Variants in MMP16 observed in about 807,000 individuals in gnomAD.
MMP16 encodes the protein matrix metalloproteinase-16.
In MMP16, 12 loss-of-function variants were observed where a neutral mutation model predicts 67.8. The observed-to-expected ratio is 0.18, with a 90% CI of 0.11 to 0.29. MMP16 has a LOEUF of 0.29. Ranked by LOEUF, MMP16 falls within the 10% of genes least tolerant of loss-of-function variation. MMP16 has a pLI of 1.00. For synonymous variants in MMP16, 249 were observed against 255.9 expected (o/e 0.97, Z 0.26); for missense variants, 475 against 765.7 (o/e 0.62, Z 4.48).
intron 6 of MMP16, among the ~76,000 whole-genome samples, chr8:88,115,763 G>A (rs907578180): frequency 2.6e-5 from 4 of 151,738 alleles, no homozygotes; most frequent in African/African-American, 9.7e-5. Flanking sequence ...TAATCTTTAA[G>A]ACTGGCTTAC....
chr8:88,282,093 G>GT (rs369717644), intron 1 of MMP16, among the ~76,000 whole-genome samples: 1 of 135,834 alleles, frequency 7.4e-6, no homozygotes. Context: ...GGGGGGGGGG[G>GT]GGCGACGGGG....
At position 88,327,062 on chromosome 8, in the gene MMP16, C is replaced by T; in HGVS notation, c.132+13G>A. On this transcript the variant is annotated intron_variant, in intron 1 of 9. Coordinates refer to ENST00000286614, the MANE Select transcript of MMP16 (RefSeq NM_005941.5). ...AGGCAGCGGGGGGAGGAAGAAAGCC[C>T]TCGCACTCTTACCTCCACATTGAAA... The T allele has an allele frequency of 6.2e-7, 1 of 1,613,562 alleles. No individual in the cohort carries two copies. The highest frequency in any genetic ancestry group is 1.1e-5 in the South Asian group (1 of 91,042).
chr8:88,105,801 TCTG>T (rs1206615172), intron 6 of MMP16, among the ~76,000 whole-genome samples: 2 of 151,340 alleles, frequency 1.3e-5, no homozygotes, highest in African/African-American at 4.8e-5. Flanking sequence ...TCATTAAATC[TCTG>T]CTATTAAAGA....
intron 6 of MMP16, among the ~76,000 whole-genome samples, chr8:88,113,468 G>C (rs532560119): frequency 4.6e-5 from 7 of 151,732 alleles, no homozygotes; most frequent in Admixed American, 3.3e-4. Flanking sequence ...ATAAGAGTGA[G>C]ATCAAACAAT....
chr8:88,165,636 T>C (rs978708286), intron 4 of MMP16, among the ~76,000 whole-genome samples: 3 of 152,112 alleles, frequency 2.0e-5, no homozygotes, highest in Non-Finnish European at 4.4e-5. Context: ...AACAAACATA[T>C]TTTATTTTAA....
chr8:88,124,942 T>G (rs1044453765), intron 4 of MMP16, among the ~76,000 whole-genome samples: 1 of 151,940 alleles, frequency 6.6e-6, no homozygotes, highest in Non-Finnish European at 1.5e-5. Context: ...ATAAGTAAAC[T>G]AATCTCATTA....
intron 4 of MMP16, among the ~76,000 whole-genome samples, chr8:88,123,532 C>T (rs1016360772): frequency 3.3e-5 from 5 of 151,714 alleles, no homozygotes; most frequent in Non-Finnish European, 7.4e-5. Flanking sequence ...GCCAGAGAAC[C>T]AGAGAAGTCT....
intron 1 of MMP16, among the ~76,000 whole-genome samples, chr8:88,321,517 T>G (rs1779258579): frequency 6.6e-6 from 1 of 152,146 alleles, no homozygotes; most frequent in Admixed American, 6.5e-5. Context: ...GCCAATGTAT[T>G]TACTACTCAG....
At chr8:88,101,088 C>T (rs941735868) in intron 6 of MMP16, among the ~76,000 whole-genome samples, 3 of 151,548 alleles carry the variant, frequency 2.0e-5, no homozygotes, top group Non-Finnish European at 4.4e-5. Flanking sequence ...CAAACCTGCA[C>T]GTTGTGCACA....
At chr8:88,226,099 G>A (rs192277546) in intron 1 of MMP16, among the ~76,000 whole-genome samples, 223 of 151,234 alleles carry the variant, frequency 1.5e-3, no homozygotes, top group Non-Finnish European at 7.5e-4. Flanking sequence ...ATAGACTGTC[G>A]TGTGTATACA....
At chr8:88,127,013 T>G (rs989158676) in intron 4 of MMP16, among the ~76,000 whole-genome samples, 1 of 151,798 alleles carries the variant, frequency 6.6e-6, no homozygotes, top group African/African-American at 2.4e-5. Context: ...CTAAATGACA[T>G]GAAAAGAAAT....
chr8:88,184,137 T>C (rs1246780843), intron 3 of MMP16, among the ~76,000 whole-genome samples: 1 of 152,168 alleles, frequency 6.6e-6, no homozygotes, highest in African/African-American at 2.4e-5. Flanking sequence ...GGTAATAGTA[T>C]GCAGTTTATT....
intron 6 of MMP16, among the ~76,000 whole-genome samples, chr8:88,081,804 G>C (rs1318981879): frequency 6.6e-6 from 1 of 151,938 alleles, no homozygotes; most frequent in African/African-American, 2.4e-5. Flanking sequence ...AGATTCTGTT[G>C]AAAAGGTGAC....
intron 7 of MMP16, among the ~76,000 whole-genome samples, chr8:88,073,065 T>C (rs1465507972): frequency 3.3e-5 from 5 of 152,192 alleles, no homozygotes; most frequent in African/African-American, 9.6e-5. Flanking sequence ...CTACTGGTCC[T>C]GTGAGGAGAC....
intron 1 of MMP16, among the ~76,000 whole-genome samples, chr8:88,322,030 CT>C (rs1416979828): frequency 6.3e-4 from 96 of 152,200 alleles, no homozygotes; most frequent in African/African-American, 2.1e-3. Flanking sequence ...ATTCTTATCC[CT>C]CCCTATACAT....
intron 7 of MMP16, among the ~76,000 whole-genome samples, chr8:88,066,817 G>T (rs1413271806): frequency 1.3e-5 from 2 of 152,040 alleles, no homozygotes; most frequent in African/African-American, 4.8e-5. Flanking sequence ...ACAAAAATTT[G>T]AGGGATCTGA....
chr8:88,197,501 T>C (rs1809275882), intron 1 of MMP16, among the ~76,000 whole-genome samples, 195 bp from the exon 2 acceptor site: 3 of 152,176 alleles, frequency 2.0e-5, no homozygotes, highest in South Asian at 2.1e-4. Context: ...GCGACTGTTA[T>C]GGATCTTTTT....
intron 1 of MMP16, among the ~76,000 whole-genome samples, chr8:88,318,235 G>A (rs1163163078): frequency 1.3e-5 from 2 of 152,110 alleles, no homozygotes; most frequent in East Asian, 3.9e-4. Flanking sequence ...ATGGTAAACT[G>A]CAATATAACA....
intron 1 of MMP16, among the ~76,000 whole-genome samples, chr8:88,259,069 G>A (rs915544227): frequency 1.3e-5 from 2 of 152,084 alleles, no homozygotes; most frequent in Non-Finnish European, 2.9e-5. Flanking sequence ...TACAGATGAA[G>A]AAAATGAAGA....
Sources: gnomAD v4.1 joint callset for allele counts (sites outside exome capture counted in the v4.1 genomes callset) on GRCh38, gnomAD v4.1.1 for gene constraint, MANE v1.5 for transcripts, NCBI Gene and HGNC (gene_info 2026-07-23, HGNC 2026-07-21) for gene names.